Variants in FAT3 observed in about 807,000 individuals in gnomAD.
FAT3 encodes the protein FAT atypical cadherin 3, also known as protocadherin Fat 3.
Under a neutral mutation model 310.2 loss-of-function variants are expected in FAT3, and 95 were observed. The observed-to-expected ratio is 0.31, with a 90% CI of 0.26 to 0.36. The LOEUF (loss-of-function observed/expected upper bound fraction) is 0.36, where lower values mean the gene tolerates loss of function less well. Among genes scored for constraint, FAT3 ranks in the 10% least tolerant of loss-of-function variants. The probability of loss-of-function intolerance (pLI) is 1.00; values close to 1 mark genes in which losing one functional copy is unlikely to be tolerated. For missense variants in FAT3, 5,408 were observed against 5,715.6 expected, an observed-to-expected ratio of 0.95 and a Z score of 1.74; for synonymous variants, 2,314 against 2,192.9, an observed-to-expected ratio of 1.06 and a Z score of -1.54.
chr11:92,803,154 G>A (rs1947410009), intron 10 of FAT3, among the ~76,000 whole-genome samples: 1 of 151,990 alleles, frequency 6.6e-6, no homozygotes, highest in Non-Finnish European at 1.5e-5. Context: ...TAGGCATTCT[G>A]AAGGGTCCTT....
Position 92,550,948 on chromosome 11 carries a change from C to G in FAT3, c.3607+26000C>G, listed in dbSNP as rs542538206. Among the ~76,000 whole-genome samples, 363 of 151,734 alleles carry G rather than the reference C, an allele frequency of 2.4e-3. 1 individual carries two copies. Among genetic ancestry groups the G allele is most frequent in the Non-Finnish European group, 4.4e-3 (296 of 67,924 alleles). ...GGGTATTAAATTTGATTTGGAAGCC[C>G]TCTTCTTCTTGATTTATTGATATCA... On this transcript the variant is annotated intron_variant, in intron 3 of 27. Transcript: ENST00000525166.
chr11:92,242,504 C>CT (rs1376687144), intron 1 of FAT3, among the ~76,000 whole-genome samples: 1 of 151,852 alleles, frequency 6.6e-6, no homozygotes, highest in African/African-American at 2.4e-5. Context: ...TCTTCACTGA[C>CT]TCATAAATGT....
At chr11:92,337,030 G>A (rs995799338) in intron 1 of FAT3, among the ~76,000 whole-genome samples, 8 of 152,272 alleles carry the variant, frequency 5.3e-5, no homozygotes, top group Middle Eastern at 3.4e-3. Flanking sequence ...CTTCCCTGGT[G>A]AGGCTGGTGC....
chr11:92,606,007 C>A (rs1940273326), intron 3 of FAT3, among the ~76,000 whole-genome samples: 2 of 152,120 alleles, frequency 1.3e-5, no homozygotes, highest in African/African-American at 4.8e-5. Flanking sequence ...AACTCATGTT[C>A]TCTCCTCATT....
intron 1 of FAT3, among the ~76,000 whole-genome samples, chr11:92,337,039 G>A (rs1050088348): frequency 6.6e-6 from 1 of 152,172 alleles, no homozygotes; most frequent in Admixed American, 6.5e-5. Flanking sequence ...TGAGGCTGGT[G>A]CTGTAAACAT....
chr11:92,244,598 G>C (rs1864819714), intron 1 of FAT3, among the ~76,000 whole-genome samples: 1 of 152,150 alleles, frequency 6.6e-6, no homozygotes, highest in Non-Finnish European at 1.5e-5. Flanking sequence ...CCTGGGGATT[G>C]TCCAGGGTGA....
chr11:92,280,304 A>G lies in FAT3; in HGVS notation c.-18+55130A>G, dbSNP rs192160434. Reference sequence around the variant, plus strand: ...AACATTGGGTATAGGAAAGAAAATGATTTGAGAGGCCTGGATGTAGGGGTT... The same window carrying G: ...AACATTGGGTATAGGAAAGAAAATGGTTTGAGAGGCCTGGATGTAGGGGTT... On this transcript the variant is annotated intron_variant, in intron 1 of 27. Coordinates refer to ENST00000525166, the MANE Select transcript of FAT3 (RefSeq NM_001367949.2). 7.9e-4 allele frequency among the ~76,000 whole-genome samples: 121 copies of G among 152,270 alleles called. 1 individual carries two copies. The highest frequency in any genetic ancestry group is 2.6e-3 in the African/African-American group (110 of 41,570).
intron 1 of FAT3, among the ~76,000 whole-genome samples, chr11:92,312,905 C>T (rs190006370): frequency 2.2e-4 from 34 of 152,208 alleles, no homozygotes; most frequent in African/African-American, 6.0e-4. Flanking sequence ...TGAAGCTATA[C>T]GGGCAAATTC....
At chr11:92,323,505 G>T (rs749229994) in intron 1 of FAT3, among the ~76,000 whole-genome samples, 9 of 151,562 alleles carry the variant, frequency 5.9e-5, no homozygotes, top group Non-Finnish European at 5.9e-5. Flanking sequence ...CCCCCATGTT[G>T]ACCTCCAAAA....
intron 3 of FAT3, among the ~76,000 whole-genome samples, chr11:92,538,958 C>T (rs1954351693): frequency 6.6e-6 from 1 of 152,204 alleles, no homozygotes; most frequent in South Asian, 2.1e-4. Flanking sequence ...AACGCTCAGC[C>T]TCTGCCAATG....
At chr11:92,279,338 T>G (rs868139462) in intron 1 of FAT3, among the ~76,000 whole-genome samples, 1 of 152,304 alleles carries the variant, frequency 6.6e-6, no homozygotes, top group Middle Eastern at 3.4e-3. Context: ...TTCTTTACTG[T>G]CTTTGGAATC....
intron 8 of FAT3, among the ~76,000 whole-genome samples, chr11:92,791,378 G>C (rs896631602): frequency 1.3e-5 from 2 of 152,184 alleles, no homozygotes; most frequent in African/African-American, 2.4e-5. Flanking sequence ...GGGTATGGCA[G>C]ACCAGTCTGC....
chr11:92,831,912 G>A lies in FAT3; in HGVS notation c.9772G>A (p.Val3258Ile), dbSNP rs776653136. Residue 3258 changes from valine to isoleucine, a missense_variant, in exon 14 of 28, where the codon GTT (valine) becomes ATT (isoleucine). Val to Ile is a conservative substitution (Grantham distance 29). Coordinates refer to ENST00000525166, the MANE Select transcript of FAT3 (RefSeq NM_001367949.2). ...DTSPGTQVLA[V>I]FATSKDIGTN... is the part of the protein sequence containing the mutation. ...CTCCCCTGGCACCCAAGTCCTTGCTGTTTTTGCCACCAGCAAAGATATTGG... is the reference window on the plus strand; with the variant it reads ...CTCCCCTGGCACCCAAGTCCTTGCTATTTTTGCCACCAGCAAAGATATTGG... 3.9e-5 allele frequency: 62 copies of A among 1,610,136 alleles called. No homozygotes were observed. The highest frequency in any genetic ancestry group is 5.2e-5 in the Non-Finnish European group (61 of 1,178,344).
At chr11:92,863,590 CT>C (rs1327571913) in intron 21 of FAT3, among the ~76,000 whole-genome samples, 1 of 152,174 alleles carries the variant, frequency 6.6e-6, no homozygotes, top group Non-Finnish European at 1.5e-5. Flanking sequence ...AGCTACACCC[CT>C]AACCCTAGCA....
intron 22 of FAT3, among the ~76,000 whole-genome samples, chr11:92,873,091 A>G (rs1949431391): frequency 6.6e-6 from 1 of 152,232 alleles, no homozygotes; most frequent in African/African-American, 2.4e-5. Flanking sequence ...AGTAATTACA[A>G]TAATTACAAC....
chr11:92,303,726 A>T (rs1230146592), intron 1 of FAT3, among the ~76,000 whole-genome samples: 1 of 152,098 alleles, frequency 6.6e-6, no homozygotes, highest in East Asian at 1.9e-4. Context: ...CCTTTGTGAA[A>T]TGTTTGTAGC....
At chr11:92,410,443 A>G (rs988309656) in intron 2 of FAT3, among the ~76,000 whole-genome samples, 1 of 152,032 alleles carries the variant, frequency 6.6e-6, no homozygotes, top group Non-Finnish European at 1.5e-5. Context: ...GGAAGGGTGG[A>G]GCTTTAACCT....
chr11:92,397,973 G>A (rs938215942), intron 2 of FAT3, among the ~76,000 whole-genome samples: 2 of 152,038 alleles, frequency 1.3e-5, no homozygotes, highest in Non-Finnish European at 2.9e-5. Context: ...CAAAAACTGG[G>A]GGGCTTCAAC....
chr11:92,450,123 C>T (rs1006335561), intron 2 of FAT3, among the ~76,000 whole-genome samples: 15 of 152,310 alleles, frequency 9.8e-5, no homozygotes, highest in African/African-American at 1.2e-4. Flanking sequence ...ACTGTGTATA[C>T]GGCCCCTGCC....
Sources: allele counts gnomAD v4.1 joint callset (sites outside exome capture counted in the v4.1 genomes callset), GRCh38; gene constraint gnomAD v4.1.1; transcripts MANE v1.5; gene names NCBI Gene and HGNC (gene_info 2026-07-23, HGNC 2026-07-21).